Variants in B3GALT1 observed in about 807,000 individuals in gnomAD.
B3GALT1 encodes beta-1,3-galactosyltransferase 1.
A neutral mutation model predicts 23.2 loss-of-function variants in B3GALT1; 10 were observed. The observed-to-expected ratio is 0.43, with a 90% CI of 0.27 to 0.73. B3GALT1 has a LOEUF of 0.73. Ranked by LOEUF, B3GALT1 falls within the 30% of genes least tolerant of loss-of-function variation. The pLI, the probability that B3GALT1 is intolerant of heterozygous loss-of-function variation, is 0.21. For missense variants in B3GALT1, 299 were observed against 405.4 expected (o/e 0.74, Z 2.25); for synonymous variants, 156 against 141.5 (o/e 1.10, Z -0.73).
At chr2:167,864,696 A>G (rs1387822697) in intron 4 of B3GALT1, among the ~76,000 whole-genome samples, 3 of 152,212 alleles carry the variant, frequency 2.0e-5, no homozygotes, top group Non-Finnish European at 4.4e-5. Flanking sequence ...GGAAGTGGCT[A>G]TTTATGTAGT....
chr2:167,476,440 A>G (rs2105333734), intron 1 of B3GALT1, among the ~76,000 whole-genome samples: 1 of 152,218 alleles, frequency 6.6e-6, no homozygotes, highest in African/African-American at 2.4e-5. Flanking sequence ...GTCACATTTC[A>G]ATTCTGGGGC....
chr2:167,684,591 T>C (rs540905625), intron 3 of B3GALT1, among the ~76,000 whole-genome samples: 14 of 152,314 alleles, frequency 9.2e-5, no homozygotes, highest in South Asian at 4.1e-4. Flanking sequence ...AAATACCTGC[T>C]CCCATGATAA....
At chr2:167,724,987 T>G (rs561764011) in intron 3 of B3GALT1, among the ~76,000 whole-genome samples, 41 of 152,222 alleles carry the variant, frequency 2.7e-4, no homozygotes, top group Non-Finnish European at 5.0e-4. Flanking sequence ...CCCAGTTTTA[T>G]TATTCAGAAA....
At chr2:167,833,108 G>C (rs1027474252) in intron 4 of B3GALT1, among the ~76,000 whole-genome samples, 2 of 152,214 alleles carry the variant, frequency 1.3e-5, no homozygotes, top group Non-Finnish European at 2.9e-5. Flanking sequence ...CACTGAACAT[G>C]CCTGTTTATC....
At chr2:167,533,920 T>C (rs1326979232) in intron 2 of B3GALT1, among the ~76,000 whole-genome samples, 1 of 152,202 alleles carries the variant, frequency 6.6e-6, no homozygotes, top group Non-Finnish European at 1.5e-5. Context: ...TATTCAAAGG[T>C]AATGGGTTTT....
intron 4 of B3GALT1, among the ~76,000 whole-genome samples, chr2:167,822,342 T>C (rs836697): frequency 0.26 from 39,160 of 151,920 alleles, 5,494 homozygotes; most frequent in East Asian, 0.56. Flanking sequence ...AGGCTGTACT[T>C]TGCTAACTGT....
chr2:167,713,904 G>T, intron 3 of B3GALT1: 2 of 1,581,278 alleles, frequency 1.3e-6, no homozygotes, highest in Non-Finnish European at 1.7e-6. Flanking sequence ...CCTGGAGGAG[G>T]TTGGGGGAAA....
chr2:167,559,913 T>C (rs1683938252), intron 2 of B3GALT1, among the ~76,000 whole-genome samples: 1 of 152,086 alleles, frequency 6.6e-6, no homozygotes. Flanking sequence ...TTCCCCAATC[T>C]AGCAAGGCAG....
intron 2 of B3GALT1, among the ~76,000 whole-genome samples, chr2:167,559,665 C>A (rs1294723659): frequency 6.6e-6 from 1 of 152,094 alleles, no homozygotes; most frequent in East Asian, 1.9e-4. Flanking sequence ...AATGCAGAAG[C>A]CTCAGGACCC....
intron 1 of B3GALT1, among the ~76,000 whole-genome samples, chr2:167,388,698 T>C (rs1697969764): frequency 6.6e-6 from 1 of 152,186 alleles, no homozygotes; most frequent in South Asian, 2.1e-4. Context: ...GACTTAATGC[T>C]TCGCCTCACC....
intron 3 of B3GALT1, among the ~76,000 whole-genome samples, chr2:167,654,546 C>T (rs1422089432): frequency 6.6e-6 from 1 of 152,136 alleles, no homozygotes; most frequent in Non-Finnish European, 1.5e-5. Context: ...GCCACTCAGG[C>T]TGGAGTACAG....
At chr2:167,866,730 C>T (rs1179628038) in intron 4 of B3GALT1, among the ~76,000 whole-genome samples, 5 of 152,178 alleles carry the variant, frequency 3.3e-5, no homozygotes, top group Admixed American at 6.5e-5. Context: ...AGGCCCTTAA[C>T]ATCTTACTAA....
At chr2:167,784,207 G>A (rs1258255214) in intron 3 of B3GALT1, among the ~76,000 whole-genome samples, 1 of 152,148 alleles carries the variant, frequency 6.6e-6, no homozygotes, top group African/African-American at 2.4e-5. Context: ...AGAATACCCA[G>A]CCACCCCCAT....
intron 1 of B3GALT1, among the ~76,000 whole-genome samples, chr2:167,485,118 G>A (rs1574098756): frequency 6.6e-6 from 1 of 151,988 alleles, no homozygotes; most frequent in Non-Finnish European, 1.5e-5. Context: ...GGTTTACTTT[G>A]GAATCCTCTT....
rs564213470 is a variant in B3GALT1, at chr2:167,561,538, A to G, written c.-410+71261A>G. Among the ~76,000 whole-genome samples the G allele has an allele frequency of 1.4e-3, 217 of 152,268 alleles. 1 individual carries two copies. Among genetic ancestry groups the G allele is most frequent in the African/African-American group, 4.8e-3 (199 of 41,558 alleles). Reference sequence around the variant, plus strand: ...AGGAGCTGGTTTTTTGAAAGGATCAACAAAATTGATAGACCGCTAGCAAGA... The same window carrying G: ...AGGAGCTGGTTTTTTGAAAGGATCAGCAAAATTGATAGACCGCTAGCAAGA... On this transcript the variant is annotated intron_variant, in intron 2 of 4. Transcript: ENST00000392690.
At chr2:167,636,682 G>T (rs1048748603) in intron 2 of B3GALT1, among the ~76,000 whole-genome samples, 6 of 152,062 alleles carry the variant, frequency 3.9e-5, no homozygotes, top group African/African-American at 1.4e-4. Flanking sequence ...CATGTCTTTT[G>T]CAGGGACATG....
At chr2:167,566,378 C>T (rs1574142924) in intron 2 of B3GALT1, among the ~76,000 whole-genome samples, 1 of 151,936 alleles carries the variant, frequency 6.6e-6, no homozygotes, top group African/African-American at 2.4e-5. Context: ...GGAGGGATAG[C>T]ATTAGGAGAT....
At chr2:167,378,475 T>C (rs1697796941) in intron 1 of B3GALT1, among the ~76,000 whole-genome samples, 1 of 152,104 alleles carries the variant, frequency 6.6e-6, no homozygotes, top group African/African-American at 2.4e-5. Flanking sequence ...CATGTTTAGT[T>C]GCCTTAAATA....
intron 1 of B3GALT1, among the ~76,000 whole-genome samples, chr2:167,380,139 A>G (rs150613253): frequency 6.6e-6 from 1 of 152,134 alleles, no homozygotes; most frequent in Non-Finnish European, 1.5e-5. Context: ...ATGCTTGTAG[A>G]TCGGTTTGGA....
Sources: allele counts gnomAD v4.1 joint callset (sites outside exome capture counted in the v4.1 genomes callset), GRCh38; gene constraint gnomAD v4.1.1; transcripts MANE v1.5; gene names NCBI Gene and HGNC (gene_info 2026-07-23, HGNC 2026-07-21).